The following CUBN variants were observed in gnomAD, a reference collection of about 807,000 sequenced individuals.
CUBN encodes 460 kDa receptor.
In CUBN, 282 loss-of-function variants were observed where a neutral mutation model predicts 405.3. The observed-to-expected ratio is 0.70, with a 90% confidence interval of 0.63 to 0.77. CUBN has a LOEUF of 0.77. CUBN is among the 30% of genes least tolerant of loss of function. The pLI, the probability that CUBN is intolerant of heterozygous loss-of-function variation, is 0.00. For synonymous variants in CUBN, 1,684 were observed against 1,617.0 expected, an observed-to-expected ratio of 1.04 and a Z score of -0.99; for missense variants, 4,514 against 4,475.2, an observed-to-expected ratio of 1.01 and a Z score of -0.25.
chr10:16,909,985 C>T (rs1218898151), intron 48 of CUBN, among the ~76,000 whole-genome samples: 1 of 152,160 alleles, frequency 6.6e-6, no homozygotes, highest in Admixed American at 6.5e-5. Flanking sequence ...GGAAGCAGTG[C>T]AATGAAAGTT....
At chr10:16,834,970 A>C in intron 64 of CUBN, 44 bp downstream of exon 64, 2 of 1,564,760 alleles carry the variant, frequency 1.3e-6, no homozygotes, top group Non-Finnish European at 8.8e-7. Context: ...GTGATCCACC[A>C]TCTTTTAAAT....
intron 17 of CUBN, among the ~76,000 whole-genome samples, chr10:17,077,642 T>A (rs1835881520): frequency 6.6e-6 from 1 of 152,188 alleles, no homozygotes; most frequent in Non-Finnish European, 1.5e-5. Flanking sequence ...GTGTTTAACA[T>A]GTGGCTTTCT....
intron 59 of CUBN, among the ~76,000 whole-genome samples, chr10:16,851,991 TCCC>T (rs1839712711): frequency 9.6e-6 from 1 of 104,592 alleles, no homozygotes; most frequent in Non-Finnish European, 1.9e-5. Flanking sequence ...TATCTTTCCC[TCCC>T]TCCCTCTATC....
chr10:17,042,155 T>G (rs12783489), intron 26 of CUBN, among the ~76,000 whole-genome samples: 31,416 of 152,198 alleles, frequency 0.21, 3,580 homozygotes, highest in Middle Eastern at 0.34. Context: ...CATTTGTGGC[T>G]CTTCAAAATA....
At chr10:16,906,555 G>A (rs1841563021) in intron 49 of CUBN, 146 bp from the exon 50 acceptor site, 6 of 672,820 alleles carry the variant, frequency 8.9e-6, no homozygotes, top group Middle Eastern at 5.2e-4. Context: ...TGGGTAAAAG[G>A]CATGCAAATT....
intron 17 of CUBN, among the ~76,000 whole-genome samples, chr10:17,075,628 T>C (rs1564505291): frequency 6.6e-6 from 1 of 152,136 alleles, no homozygotes; most frequent in East Asian, 1.9e-4. Context: ...GGCCTAATAA[T>C]AGTGAGGTGA....
intron 6 of CUBN, 89 bp downstream of exon 6, chr10:17,122,706 G>A (rs1278805840): frequency 2.5e-6 from 2 of 790,392 alleles, no homozygotes; most frequent in Non-Finnish European, 4.4e-6. Flanking sequence ...GTGGAATACA[G>A]ATAGTTAATT....
chr10:16,928,532 C>CTCT (rs1842272144), intron 40 of CUBN, among the ~76,000 whole-genome samples: 1 of 107,122 alleles, frequency 9.3e-6, no homozygotes, highest in Non-Finnish European at 1.9e-5. Context: ...CCACCCCCCC[C>CTCT]TTTTTTTTTT....
Position 17,046,060 on chromosome 10 carries a change from T to C in CUBN, c.3364A>G (p.Ile1122Val), listed in dbSNP as rs1405360026. 1 of 1,613,852 alleles carries C rather than the reference T, an allele frequency of 6.2e-7. No individual in the cohort carries two copies. The highest frequency in any genetic ancestry group is 8.5e-7 in the Non-Finnish European group (1 of 1,179,800). The change falls in exon 24 of 67, where the codon ATA becomes GTA. Residue 1122 changes from isoleucine to valine, a missense_variant. Ile to Val is a conservative substitution (Grantham distance 29, BLOSUM62 3). Around this residue, in one of 5 missense-constraint regions of CUBN, gnomAD observed 1,448 missense variants for 1,388.0 expected, o/e 1.04. Transcript: ENST00000377833. ...GGYEKSPLLG[I>V]FYGSNLPPTI... ...GGGGGTAGATTTGAGCCATAGAATATTCCCAGCAATGGTGATTTTTCATAG... is the reference window on the plus strand; with the variant it reads ...GGGGGTAGATTTGAGCCATAGAATACTCCCAGCAATGGTGATTTTTCATAG...
Position 16,939,135 on chromosome 10 carries a change from T to C in CUBN, c.5561A>G (p.Asp1854Gly). ...QATFMKIFGN[D>G]NIVGTHGKVA... ...TTTCCCATGAGTTCCCACAATATTATCATTGCCAAATACTAGGAGGGAAGA... is the reference window on the plus strand; with the variant it reads ...TTTCCCATGAGTTCCCACAATATTACCATTGCCAAATACTAGGAGGGAAGA... The change falls in exon 38 of 67, where the codon GAT becomes GGT. Residue 1854 changes from aspartate (D) to glycine (G), a missense_variant. Asp to Gly is a moderately conservative substitution (Grantham distance 94). This residue lies in a region of CUBN where 1,613 missense variants were observed against 1,542.8 expected (regional missense o/e 1.05). Coordinates refer to ENST00000377833, the MANE Select transcript of CUBN (RefSeq NM_001081.4). The C allele has an allele frequency of 5.0e-6, 8 of 1,613,602 alleles. No individual in the cohort carries two copies. The highest frequency in any genetic ancestry group is 6.8e-6 in the Non-Finnish European group (8 of 1,179,540).
intron 56 of CUBN, among the ~76,000 whole-genome samples, chr10:16,884,307 A>G (rs1840749225): frequency 6.6e-6 from 1 of 152,168 alleles, no homozygotes; most frequent in South Asian, 2.1e-4. Flanking sequence ...ATGAAAGAAT[A>G]ATCAAGGTTT....
intron 22 of CUBN, 111 bp from the exon 23 acceptor site, chr10:17,047,714 G>C: frequency 2.0e-6 from 2 of 1,015,874 alleles, no homozygotes; most frequent in Non-Finnish European, 1.5e-6. Flanking sequence ...TTTTCAATAA[G>C]CCATTCTGGA....
At chr10:17,105,885 C>T (rs1012387348) in intron 10 of CUBN, among the ~76,000 whole-genome samples, 5 of 152,238 alleles carry the variant, frequency 3.3e-5, no homozygotes, top group Admixed American at 2.0e-4. Context: ...CTGGGGAAGA[C>T]AGACATTCCT....
At chr10:16,965,966 G>A in intron 31 of CUBN, 2 of 471,166 alleles carry the variant, frequency 4.2e-6, no homozygotes, top group South Asian at 1.5e-5. Flanking sequence ...GTCCGACCAA[G>A]TATGATTAAA....
chr10:17,109,281 C>A (rs1283449530), intron 10 of CUBN, among the ~76,000 whole-genome samples: 9 of 152,144 alleles, frequency 5.9e-5, no homozygotes. Context: ...AGTGTACTTC[C>A]CAAACTCCCT....
rs1183964933 is a variant in CUBN at position 16,948,686 on chromosome 10, C to A, written c.5081-80G>T. The stretch of plus-strand genomic sequence containing the variant: ...TGTTTCTAGGAAACACATCTTTACT[C>A]GAATTACAAGAGACCAAAACAAAGT... On this transcript the variant is annotated intron_variant, in intron 34 of 66. Transcript: ENST00000377833. The A allele has an allele frequency of 1.3e-6, 2 of 1,567,896 alleles. No individual in the cohort carries two copies. Among genetic ancestry groups the A allele is most frequent in the Non-Finnish European group, 1.7e-6 (2 of 1,151,502 alleles).
intron 62 of CUBN, among the ~76,000 whole-genome samples, chr10:16,838,817 TG>T (rs1261925957): frequency 6.6e-6 from 1 of 152,168 alleles, no homozygotes; most frequent in Non-Finnish European, 1.5e-5. Context: ...GCTAATTTTT[TG>T]TATTTTCAGT....
Position 16,954,486 on chromosome 10 carries a change from C to T in CUBN, c.4758G>A (p.Leu1586=), listed in dbSNP as rs1842997663. 1 of 1,613,924 alleles carries T rather than the reference C, an allele frequency of 6.2e-7. No homozygotes were observed. The highest frequency in any genetic ancestry group is 1.7e-5 in the Admixed American group (1 of 59,982). The change falls in exon 32 of 67, where the codon CTG becomes CTA. Residue 1586 remains leucine (L), a synonymous_variant. Transcript: ENST00000377833. The part of the protein sequence containing the change: ...RLARTCGREQ[L]ANPIVSSGNS... The stretch of plus-strand genomic sequence containing the variant: ...TTCCTGAGGAGACGATGGGGTTAGC[C>T]AGCTGCTCCCTTCCACACGTCCTGG...
chr10:17,099,958 A>T, intron 14 of CUBN, 47 bp downstream of exon 14: 1 of 1,333,710 alleles, frequency 7.5e-7, no homozygotes, highest in Non-Finnish European at 1.1e-6. Flanking sequence ...AAGAACACTT[A>T]ATAACCTCAA....
Sources: allele counts gnomAD v4.1 joint callset (sites outside exome capture counted in the v4.1 genomes callset), GRCh38; gene constraint gnomAD v4.1.1; regional missense constraint gnomAD v4.1.1; transcripts MANE v1.5; gene names NCBI Gene and HGNC (gene_info 2026-07-23, HGNC 2026-07-21).